Variants in FBXO27 observed in about 807,000 individuals in gnomAD.
The protein encoded by FBXO27 is F-box only protein 27.
In FBXO27, 28 loss-of-function variants were observed where a neutral mutation model predicts 28.3. The ratio of observed to expected loss-of-function variants is 0.99; its 90% CI spans 0.73 to 1.36. FBXO27 has a LOEUF of 1.36. Ranked by LOEUF, FBXO27 falls within the 40% of genes most tolerant of loss-of-function variation. FBXO27 has a pLI of 0.00. For missense variants in FBXO27, 388 were observed against 394.1 expected, an observed-to-expected ratio of 0.98 and a Z score of 0.13; for synonymous variants, 175 against 167.3, an observed-to-expected ratio of 1.05 and a Z score of -0.36.
At chr19:39,005,897 C>T (rs185376779) in intron 2 of FBXO27, among the ~76,000 whole-genome samples, 156 of 152,206 alleles carry the variant, frequency 1.0e-3, no homozygotes, top group African/African-American at 3.6e-3. Context: ...ACACTAATTA[C>T]AAAGAGGAAA....
chr19:39,026,868 AC>A lies in FBXO27; in HGVS notation c.708+1del, dbSNP rs2072875397. On this transcript the variant is annotated splice_donor_variant, in intron 5 of 5. Transcript: ENST00000292853. LOFTEE classifies it high-confidence loss of function. ...TTCCCCAAACCCCCATAGGAGACTCACGTGAAGGCAGGCATTGTTGTTCCAC... is the reference window on the plus strand; with the variant it reads ...TTCCCCAAACCCCCATAGGAGACTCAGTGAAGGCAGGCATTGTTGTTCCAC... 1 of 1,614,028 alleles carries A rather than the reference AC, an allele frequency of 6.2e-7. No homozygotes were observed. Among genetic ancestry groups the A allele is most frequent in the South Asian group, 1.1e-5 (1 of 91,086 alleles).
intron 1 of FBXO27, among the ~76,000 whole-genome samples, chr19:39,015,915 C>G (rs1382054517): frequency 6.6e-6 from 1 of 151,592 alleles, no homozygotes; most frequent in African/African-American, 2.4e-5. Flanking sequence ...ACTAAAAATA[C>G]AAAAAAATTA....
chr19:39,026,807 GT>G, intron 5 of FBXO27, 62 bp downstream of exon 5: 1 of 1,605,630 alleles, frequency 6.2e-7, no homozygotes, highest in Admixed American at 1.7e-5. Flanking sequence ...AAGTTTTGGG[GT>G]GATTTATTTT....
intron 2 of FBXO27, among the ~76,000 whole-genome samples, chr19:39,012,606 T>C (rs1226126828): frequency 2.8e-5 from 4 of 144,574 alleles, no homozygotes; most frequent in African/African-American, 1.0e-4. Flanking sequence ...CATCCAGGAA[T>C]TGGTCAGGAT....
intron 2 of FBXO27, among the ~76,000 whole-genome samples, chr19:39,007,180 TTC>T (rs1422435948): frequency 6.6e-6 from 1 of 151,148 alleles, no homozygotes; most frequent in African/African-American, 2.4e-5. Flanking sequence ...TCATAAGAGG[TTC>T]AGGGGCCCCA....
At chr19:39,031,835 A>AT in intron 2 of FBXO27, 29 bp downstream of exon 2, 1 of 1,460,540 alleles carries the variant, frequency 6.8e-7, no homozygotes, top group Non-Finnish European at 8.9e-7. Context: ...GTGGCCCAGC[A>AT]TCCTGGACTT....
chr19:39,006,253 T>C (rs1345500293), intron 2 of FBXO27, among the ~76,000 whole-genome samples: 1 of 151,796 alleles, frequency 6.6e-6, no homozygotes, highest in Non-Finnish European at 1.5e-5. Context: ...GAAAAACCCG[T>C]CTTTACTGAA....
At chr19:39,030,456 A>G (rs2072895734) in intron 4 of FBXO27, 1 of 153,246 alleles carries the variant, frequency 6.5e-6, no homozygotes, top group Non-Finnish European at 1.5e-5. Context: ...CATCTCATTC[A>G]TTCACAGACA....
At chr19:39,008,853 C>T (rs917258267) in intron 2 of FBXO27, among the ~76,000 whole-genome samples, 1 of 152,212 alleles carries the variant, frequency 6.6e-6, no homozygotes, top group Non-Finnish European at 1.5e-5. Flanking sequence ...CAGAGTCTCG[C>T]TCCATCGCCC....
At chr19:39,009,802 T>TTG (rs2072786686) in intron 2 of FBXO27, among the ~76,000 whole-genome samples, 1 of 151,720 alleles carries the variant, frequency 6.6e-6, no homozygotes, top group Non-Finnish European at 1.5e-5. Context: ...GGTTTTTTTT[T>TTG]TTGTTGTTGT....
chr19:39,022,955 G>A (rs1484010024), downstream of FBXO27, among the ~76,000 whole-genome samples: 3 of 151,944 alleles, frequency 2.0e-5, no homozygotes, highest in African/African-American at 7.3e-5. Flanking sequence ...CCACCACCAT[G>A]CCTGGCTAAT....
At chr19:39,020,755 C>A (rs1403307027), downstream of FBXO27, among the ~76,000 whole-genome samples, 304 of 105,198 alleles carry the variant, frequency 2.9e-3, no homozygotes, top group Middle Eastern at 5.6e-3. Context: ...GTGGATATGG[C>A]AAAAAAAAAA....
chr19:39,028,175 G>A (rs59698424), intron 4 of FBXO27, among the ~76,000 whole-genome samples: 29,780 of 151,934 alleles, frequency 0.2, 3,586 homozygotes, highest in South Asian at 0.39. Flanking sequence ...AGGTTGCAGT[G>A]AGCTGAGATC....
Position 39,027,007 on chromosome 19 carries a change from T to A in FBXO27, c.573-2A>T. ...CCGCTGTCGTGTCGGGCTCCCCACC[T>A]GTGGGAGGAAGGAGCCATGAAGGCT... On this transcript the variant is annotated splice_acceptor_variant, in intron 4 of 5. Transcript: ENST00000292853. LOFTEE classifies it high-confidence loss of function. 1 of 1,614,074 alleles carries A rather than the reference T, an allele frequency of 6.2e-7. No individual in the cohort carries two copies. The highest frequency in any genetic ancestry group is 8.5e-7 in the Non-Finnish European group (1 of 1,179,982).
intron 5 of FBXO27, among the ~76,000 whole-genome samples, chr19:39,025,757 G>C (rs938200095): frequency 1.3e-5 from 2 of 152,186 alleles, no homozygotes; most frequent in Non-Finnish European, 2.9e-5. Context: ...GCTCGTGCCT[G>C]TAATCCCAGC....
chr19:39,017,480 G>A (rs1211658164), intron 1 of FBXO27, among the ~76,000 whole-genome samples: 1 of 152,018 alleles, frequency 6.6e-6, no homozygotes, highest in Admixed American at 6.6e-5. Context: ...GATCACCTGA[G>A]GTCAGGAGTT....
Position 39,024,297 on chromosome 19 carries a change from G to T in FBXO27, c.*1114C>A, listed in dbSNP as rs2072860040. 1 of 152,100 alleles carries T rather than the reference G, an allele frequency of 6.6e-6. No homozygotes were observed. Among genetic ancestry groups the T allele is most frequent in the South Asian group, 2.1e-4 (1 of 4,826 alleles). The allele number at this position is 152,100 out of a possible 1,614,324, so 9.4% of individuals were successfully genotyped here. The stretch of plus-strand genomic sequence containing the variant: ...GCTGGAGTGCAGTGGTATGATCATG[G>T]CTCACTATAGCCTCAACCTGGGCAC... On this transcript the variant is annotated 3_prime_UTR_variant, in exon 6 of 6. Coordinates refer to ENST00000292853, the MANE Select transcript of FBXO27 (RefSeq NM_178820.5).
chr19:39,029,992 C>A (rs1288669794), intron 4 of FBXO27, among the ~76,000 whole-genome samples: 2 of 152,174 alleles, frequency 1.3e-5, no homozygotes, highest in Non-Finnish European at 2.9e-5. Flanking sequence ...CAGACACTTA[C>A]CATGACGCCC....
chr19:39,025,463 T>C lies in FBXO27; in HGVS notation c.800A>G (p.Tyr267Cys), dbSNP rs774999328. 10 of 1,614,000 alleles carry C rather than the reference T, an allele frequency of 6.2e-6. No homozygotes were observed. The highest frequency in any genetic ancestry group is 3.3e-5 in the Admixed American group (2 of 59,970). ...ACTGGAGTTGGTCACACGGGCTCCA[T>C]AGTGGCCAGCCCAGAACTGTGTGTC... ...GQDTQFWAGH[Y>C]GARVTNSSVI... The change falls in exon 6 of 6, where the codon TAT (tyrosine) becomes TGT (cysteine). Residue 267 changes from tyrosine to cysteine, a missense_variant. By Grantham distance (194) the Tyr-to-Cys change is radical (BLOSUM62 -2). Transcript: ENST00000292853.
Sources: gnomAD v4.1 joint callset for allele counts (sites outside exome capture counted in the v4.1 genomes callset) on GRCh38, gnomAD v4.1.1 for gene constraint, MANE v1.5 for transcripts, NCBI Gene and HGNC (gene_info 2026-07-23, HGNC 2026-07-21) for gene names.